TPTE2: variants seen among roughly 807,000 people sequenced by gnomAD.
The protein encoded by TPTE2 is transmembrane phosphoinositide 3-phosphatase and tensin homolog 2, also known as phosphatidylinositol 3,4,5-trisphosphate 3-phosphatase TPTE2.
TPTE2 carries 53 observed loss-of-function variants against 78.6 expected under a neutral mutation model. The observed-to-expected ratio is 0.67, with a 90% confidence interval of 0.54 to 0.85. TPTE2 has a LOEUF of 0.85. TPTE2 is among the 40% of genes least tolerant of loss of function. The pLI is 0.00. For synonymous variants in TPTE2, 175 were observed against 206.2 expected, an observed-to-expected ratio of 0.85 and a Z score of 1.30; for missense variants, 461 against 623.0, an observed-to-expected ratio of 0.74 and a Z score of 2.77.
At chr13:19,458,520 C>T in intron 10 of TPTE2, 1 of 394,384 alleles carries the variant, frequency 2.5e-6, no homozygotes, top group South Asian at 2.0e-5. Context: ...TCAAAATACT[C>T]TATCAGTGTT....
intron 3 of TPTE2, among the ~76,000 whole-genome samples, chr13:19,487,182 T>A (rs1880714255): frequency 1.3e-5 from 2 of 152,110 alleles, no homozygotes; most frequent in Non-Finnish European, 2.9e-5. Flanking sequence ...GCTGCTTAGT[T>A]GGCCTGACAG....
chr13:19,497,635 C>T (rs1292628642), intron 1 of TPTE2, among the ~76,000 whole-genome samples: 1 of 131,724 alleles, frequency 7.6e-6, no homozygotes, highest in Admixed American at 8.1e-5. Flanking sequence ...ACATCCACAC[C>T]AAAAACCCAT....
the TPTE2 span, among the ~76,000 whole-genome samples, chr13:19,548,311 T>C: frequency 1.3e-5 from 2 of 149,438 alleles, no homozygotes; most frequent in African/African-American, 4.9e-5. Context: ...TCCCAGGCCA[T>C]AATCTCATCT....
intron 1 of TPTE2, among the ~76,000 whole-genome samples, chr13:19,522,413 G>C (rs1778501500): frequency 6.6e-6 from 1 of 152,070 alleles, no homozygotes; most frequent in African/African-American, 2.4e-5. Context: ...TTGTGAAGAA[G>C]AACAAAGAAA....
chr13:19,423,111 T>G, exon 20 of TPTE2: 1 of 1,612,292 alleles, frequency 6.2e-7, no homozygotes, highest in Non-Finnish European at 8.5e-7. Flanking sequence ...TGGATAAATT[T>G]TCCATGCTTT....
At chr13:19,503,476 G>T (rs1205872167), upstream of TPTE2, among the ~76,000 whole-genome samples, 3 of 152,170 alleles carry the variant, frequency 2.0e-5, no homozygotes, top group African/African-American at 7.2e-5. Flanking sequence ...ATCTTAGGCT[G>T]GGGAAAATAG....
At chr13:19,482,783 CT>C (rs1880435997) in intron 3 of TPTE2, among the ~76,000 whole-genome samples, 1 of 151,198 alleles carries the variant, frequency 6.6e-6, no homozygotes, top group Admixed American at 6.6e-5. Context: ...CTTCTTTTCT[CT>C]CTCTGTCCCT....
At chr13:19,495,420 C>A (rs1881244476) in intron 1 of TPTE2, among the ~76,000 whole-genome samples, 1 of 152,236 alleles carries the variant, frequency 6.6e-6, no homozygotes, top group South Asian at 2.1e-4. Flanking sequence ...ACTACTAGCA[C>A]AGTCTCATTC....
intron 1 of TPTE2, among the ~76,000 whole-genome samples, chr13:19,522,284 G>A (rs914320516): frequency 6.6e-6 from 1 of 152,160 alleles, no homozygotes; most frequent in Non-Finnish European, 1.5e-5. Context: ...CCAGAGAGAA[G>A]CCACAGTGTG....
At chr13:19,473,977 G>C (rs1879787687) in exon 6 of TPTE2, 2 of 1,608,546 alleles carry the variant, frequency 1.2e-6, no homozygotes, top group Admixed American at 1.7e-5. Flanking sequence ...TAGAGAAATA[G>C]AACGATACTC....
At chr13:19,553,706 C>T in the TPTE2 span, among the ~76,000 whole-genome samples, 1 of 152,284 alleles carries the variant, frequency 6.6e-6, no homozygotes, top group East Asian at 1.9e-4. Flanking sequence ...GGAGTACATA[C>T]TGTGTGATTT....
chr13:19,537,850 C>G (rs918495578), upstream of TPTE2, among the ~76,000 whole-genome samples: 27 of 152,100 alleles, frequency 1.8e-4, 1 homozygote, highest in Admixed American at 1.8e-3. Flanking sequence ...GGTGATCCAC[C>G]TATCTCAGCC....
At chr13:19,428,034 T>A (rs1876270835) in intron 17 of TPTE2, among the ~76,000 whole-genome samples, 1 of 152,134 alleles carries the variant, frequency 6.6e-6, no homozygotes, top group African/African-American at 2.4e-5. Flanking sequence ...AATGCAAAAA[T>A]TTCATTAAGG....
intron 3 of TPTE2, among the ~76,000 whole-genome samples, chr13:19,483,720 T>A (rs1276354413): frequency 1.3e-5 from 2 of 152,182 alleles, no homozygotes; most frequent in Non-Finnish European, 2.9e-5. Context: ...GTAGAATTGT[T>A]CAGTGGTTTA....
At chr13:19,461,905 G>A (rs1349518680) in intron 10 of TPTE2, among the ~76,000 whole-genome samples, 1 of 141,638 alleles carries the variant, frequency 7.1e-6, no homozygotes, top group African/African-American at 2.6e-5. Context: ...GGTGAAGTTA[G>A]TTTCTTGTAG....
At chr13:19,426,489 A>G in exon 18 of TPTE2, 3 of 1,600,066 alleles carry the variant, frequency 1.9e-6, no homozygotes, top group Non-Finnish European at 2.6e-6. Context: ...ATTAATTAAT[A>G]TTTTGTCTGT....
intron 1 of TPTE2, among the ~76,000 whole-genome samples, chr13:19,501,600 A>T (rs1331309930): frequency 6.6e-6 from 1 of 151,998 alleles, no homozygotes; most frequent in Non-Finnish European, 1.5e-5. Context: ...GCTAGCCATA[A>T]GTAGAAAGCA....
upstream of TPTE2, among the ~76,000 whole-genome samples, chr13:19,507,007 A>C (rs1229595483): frequency 6.6e-6 from 1 of 152,208 alleles, no homozygotes; most frequent in Non-Finnish European, 1.5e-5. Flanking sequence ...TTACATACAG[A>C]AGCTGAAACT....
chr13:19,503,142 T>G (rs1225573880), intron 1 of TPTE2, 82 bp downstream of exon 4: 1 of 1,594,098 alleles, frequency 6.3e-7, no homozygotes, highest in Non-Finnish European at 8.6e-7. Flanking sequence ...GATGGATATA[T>G]TTGTTTATGT....
Sources: gnomAD v4.1 joint callset for allele counts (sites outside exome capture counted in the v4.1 genomes callset) on GRCh38, gnomAD v4.1.1 for gene constraint, MANE v1.5 for transcripts, NCBI Gene and HGNC (gene_info 2026-07-23, HGNC 2026-07-21) for gene names.